The following SEMA3E variants were observed in gnomAD, a reference collection of about 807,000 sequenced individuals.
The protein encoded by SEMA3E is semaphorin-3E.
Under a neutral mutation model 93.6 loss-of-function variants are expected in SEMA3E, and 49 were observed. The observed-to-expected ratio is 0.52, with a 90% CI of 0.42 to 0.66. The LOEUF (loss-of-function observed/expected upper bound fraction) is 0.66. Ranked by LOEUF, SEMA3E falls within the 30% of genes least tolerant of loss-of-function variation. The pLI is 0.00. For missense variants in SEMA3E, 906 were observed against 964.8 expected, an observed-to-expected ratio of 0.94 and a Z score of 0.81; for synonymous variants, 363 against 330.7, an observed-to-expected ratio of 1.10 and a Z score of -1.06.
At chr7:83,538,501 T>C (rs1791452879) in intron 1 of SEMA3E, among the ~76,000 whole-genome samples, 1 of 152,192 alleles carries the variant, frequency 6.6e-6, no homozygotes, top group Non-Finnish European at 1.5e-5. Flanking sequence ...GAGTGTCTAC[T>C]GAGAATTCTA....
intron 4 of SEMA3E, among the ~76,000 whole-genome samples, chr7:83,458,177 T>C (rs1789529990): frequency 6.6e-6 from 1 of 151,682 alleles, no homozygotes; most frequent in Non-Finnish European, 1.5e-5. Context: ...CTAATATGAC[T>C]CAAATATTTC....
intron 4 of SEMA3E, among the ~76,000 whole-genome samples, chr7:83,448,852 A>G (rs1316074263): frequency 6.6e-6 from 1 of 152,174 alleles, no homozygotes; most frequent in Non-Finnish European, 1.5e-5. Flanking sequence ...TATGAGAGAC[A>G]AAAGTTCATA....
Position 83,367,720 on chromosome 7 carries a change from C to CT in SEMA3E, c.2193dup (p.Val732SerfsTer6), listed in dbSNP as rs1562746392. 1 of 1,614,108 alleles carries CT rather than the reference C, an allele frequency of 6.2e-7. No homozygotes were observed. ...TTCCTCTTTCTATCTGTGCACCATA[C>CT]TTTCTCGCAGTATTCTTCCACTCTC... On this transcript the variant is annotated frameshift_variant, in exon 17 of 17. Coordinates refer to ENST00000643230, the MANE Select transcript of SEMA3E (RefSeq NM_012431.3). LOFTEE classifies it high-confidence loss of function.
chr7:83,476,779 C>T (rs1438292916), intron 2 of SEMA3E, among the ~76,000 whole-genome samples: 3 of 152,154 alleles, frequency 2.0e-5, no homozygotes, highest in Admixed American at 2.0e-4. Context: ...TAAAATTAAG[C>T]TATTTGTTCT....
At chr7:83,459,867 T>A (rs1470216350) in intron 4 of SEMA3E, among the ~76,000 whole-genome samples, 2 of 152,236 alleles carry the variant, frequency 1.3e-5, no homozygotes, top group East Asian at 3.9e-4. Context: ...TGAAAGTCCT[T>A]CTCCTGGCTC....
At chr7:83,539,038 G>A (rs541790976) in intron 1 of SEMA3E, among the ~76,000 whole-genome samples, 5 of 152,246 alleles carry the variant, frequency 3.3e-5, no homozygotes, top group African/African-American at 1.2e-4. Flanking sequence ...TTGATTAGAA[G>A]CTCTGAGTGG....
At chr7:83,507,633 C>T (rs1057274948) in intron 1 of SEMA3E, among the ~76,000 whole-genome samples, 1 of 151,702 alleles carries the variant, frequency 6.6e-6, no homozygotes, top group Admixed American at 6.6e-5. Context: ...GGAAAAGAAA[C>T]ATGACAATTA....
intron 1 of SEMA3E, among the ~76,000 whole-genome samples, chr7:83,634,010 A>T (rs971872751): frequency 6.6e-6 from 1 of 152,210 alleles, no homozygotes; most frequent in Non-Finnish European, 1.5e-5. Flanking sequence ...TTCTCACATT[A>T]ACAGTATTCT....
chr7:83,494,589 G>T (rs1053276006), intron 1 of SEMA3E, among the ~76,000 whole-genome samples: 10 of 151,786 alleles, frequency 6.6e-5, no homozygotes, highest in African/African-American at 2.4e-4. Context: ...TAAAGGTGAG[G>T]ACAGAAATCC....
intron 1 of SEMA3E, among the ~76,000 whole-genome samples, chr7:83,527,081 G>T (rs893756791): frequency 6.6e-6 from 1 of 152,094 alleles, no homozygotes; most frequent in Non-Finnish European, 1.5e-5. Flanking sequence ...GGATATAGAG[G>T]TGTGGGGAAG....
At chr7:83,550,827 C>A (rs1791749639) in intron 1 of SEMA3E, among the ~76,000 whole-genome samples, 1 of 151,968 alleles carries the variant, frequency 6.6e-6, no homozygotes, top group Non-Finnish European at 1.5e-5. Context: ...AGAAGTCCCA[C>A]ACATCAACAA....
At chr7:83,561,815 T>G (rs780417671) in intron 1 of SEMA3E, among the ~76,000 whole-genome samples, 13 of 152,196 alleles carry the variant, frequency 8.5e-5, no homozygotes, top group Admixed American at 7.2e-4. Context: ...ACTAATTTTA[T>G]AGTTAACACA....
chr7:83,637,979 T>C (rs530180865), intron 1 of SEMA3E, among the ~76,000 whole-genome samples: 156 of 152,298 alleles, frequency 1.0e-3, no homozygotes, highest in Middle Eastern at 6.8e-3. Flanking sequence ...TTACCTATTA[T>C]TAATGTGATT....
intron 2 of SEMA3E, among the ~76,000 whole-genome samples, chr7:83,470,912 T>C (rs376284429): frequency 6.7e-6 from 1 of 149,806 alleles, no homozygotes; most frequent in African/African-American, 2.4e-5. Context: ...TTATTAACAT[T>C]CAAACTCCCC....
chr7:83,569,507 A>G (rs1187706575), intron 1 of SEMA3E, among the ~76,000 whole-genome samples: 1 of 152,160 alleles, frequency 6.6e-6, no homozygotes, highest in East Asian at 1.9e-4. Context: ...ACATGTAACA[A>G]TACCCACAAG....
chr7:83,368,022 C>G lies in SEMA3E; in HGVS notation c.1892G>C (p.Arg631Thr). The change falls in exon 17 of 17, where the codon AGA (arginine) becomes ACA (threonine). Residue 631 changes from arginine to threonine, a missense_variant. Arg to Thr is a moderately conservative substitution (Grantham distance 71). Coordinates refer to ENST00000643230, the MANE Select transcript of SEMA3E (RefSeq NM_012431.3). Reference sequence around the variant, plus strand: ...TAAACCAAGGTCCATCTTAACCACTCTGTCATCTGTCTTCACCTGCAAAAA... The same window carrying G: ...TAAACCAAGGTCCATCTTAACCACTGTGTCATCTGTCTTCACCTGCAAAAA... The part of the protein sequence containing the change: ...TRKEEVKTDD[R>T]VVKMDLGLLF... 6.2e-7 allele frequency: 1 copy of G among 1,613,974 alleles called. No individual in the cohort carries two copies. Among genetic ancestry groups the G allele is most frequent in the Non-Finnish European group, 8.5e-7 (1 of 1,179,972 alleles).
intron 1 of SEMA3E, among the ~76,000 whole-genome samples, chr7:83,619,900 T>TAGACAGACAGACAGAC (rs1224607258): frequency 3.8e-3 from 442 of 117,806 alleles, no homozygotes; most frequent in Non-Finnish European, 5.3e-3. Flanking sequence ...GATAGATAGA[T>TAGACAGACAGACAGAC]AGACAGATAG....
intron 4 of SEMA3E, among the ~76,000 whole-genome samples, chr7:83,440,979 A>C (rs1459373729): frequency 2.6e-5 from 4 of 152,048 alleles, no homozygotes; most frequent in African/African-American, 9.7e-5. Flanking sequence ...TACCATTTGA[A>C]CTCTTCACTT....
At chr7:83,563,177 C>G (rs548189174) in intron 1 of SEMA3E, among the ~76,000 whole-genome samples, 2 of 152,226 alleles carry the variant, frequency 1.3e-5, no homozygotes, top group Non-Finnish European at 1.5e-5. Flanking sequence ...AAGGTTATCA[C>G]AGATACAGCG....
Sources: allele counts gnomAD v4.1 joint callset (sites outside exome capture counted in the v4.1 genomes callset), GRCh38; gene constraint gnomAD v4.1.1; transcripts MANE v1.5; gene names NCBI Gene and HGNC (gene_info 2026-07-23, HGNC 2026-07-21).